CYP4F12: variants seen among roughly 807,000 people sequenced by gnomAD.
CYP4F12 encodes the protein cytochrome P450 family 4 subfamily F member 12, also known as cytochrome P450 4F12.
Under a neutral mutation model 56.5 loss-of-function variants are expected in CYP4F12, and 60 were observed. The ratio of observed to expected loss-of-function variants is 1.06; its 90% CI spans 0.86 to 1.32. The LOEUF (loss-of-function observed/expected upper bound fraction) is 1.32, where lower values mean the gene tolerates loss of function less well. Ranked by LOEUF, CYP4F12 falls within the 40% of genes most tolerant of loss-of-function variation. The pLI is 0.00. For synonymous variants in CYP4F12, 263 were observed against 264.9 expected (o/e 0.99, Z 0.07); for missense variants, 711 against 683.5 (o/e 1.04, Z -0.45).
intron 12 of CYP4F12, 77 bp from the exon 13 acceptor site, chr19:15,696,831 C>A: frequency 8.6e-6 from 13 of 1,505,484 alleles, no homozygotes; most frequent in Non-Finnish European, 1.2e-5. Context: ...AGTTGGGGGT[C>A]CCAGGCCAGG....
chr19:15,684,853 G>A lies in CYP4F12; in HGVS notation c.956G>A (p.Arg319Lys). ...AAGGCATTGTCAGATGAGGATATAAGAGCAGAGGCTGACACCTTCATGTTT... is the reference window on the plus strand; with the variant it reads ...AAGGCATTGTCAGATGAGGATATAAAAGCAGAGGCTGACACCTTCATGTTT... ...DGKALSDEDI[R>K]AEADTFMFGG... Residue 319 changes from arginine (R) to lysine (K), a missense_variant, in exon 8 of 13, where the codon AGA becomes AAA. Arg to Lys is a conservative substitution (Grantham distance 26, BLOSUM62 2). Transcript: ENST00000550308. 6.2e-7 allele frequency: 1 copy of A among 1,608,968 alleles called. No homozygotes were observed. Among genetic ancestry groups the A allele is most frequent in the Non-Finnish European group, 8.5e-7 (1 of 1,177,652 alleles).
Position 15,673,717 on chromosome 19 carries a change from A to C in CYP4F12, c.188A>C (p.His63Pro). 6.2e-7 allele frequency: 1 copy of C among 1,614,010 alleles called. No homozygotes were observed. The highest frequency in any genetic ancestry group is 1.1e-5 in the South Asian group (1 of 91,068). The change falls in exon 2 of 13, where the codon CAC becomes CCC. Residue 63 changes from histidine (H) to proline (P), a missense_variant. Transcript: ENST00000550308. ...CCAAAACGGAACTGGTTTTGGGGTC[A>C]CCTGGGCCTGGTGAGTGTGACAGCA... Reference protein sequence around the residue: ...QPPKRNWFWGHLGLITPTEEG... With the variant: ...QPPKRNWFWGPLGLITPTEEG...
intron 9 of CYP4F12, among the ~76,000 whole-genome samples, chr19:15,694,004 T>G: frequency 6.6e-6 from 1 of 151,504 alleles, no homozygotes; most frequent in Non-Finnish European, 1.5e-5. Flanking sequence ...GTTGTAGACA[T>G]GTGGCATTAA....
In CYP4F12 at chr19:15,682,432, A is replaced by G; in HGVS notation, c.569A>G (p.Asp190Gly). 6.2e-7 allele frequency: 1 copy of G among 1,613,854 alleles called. No individual in the cohort carries two copies. Among genetic ancestry groups the G allele is most frequent in the East Asian group, 2.2e-5 (1 of 44,868 alleles). ...HLASEGSSRL[D>G]MFEHISLMTL... Reference sequence around the variant, plus strand: ...GCCTCAGAGGGCAGCAGTCGTCTGGACATGTTTGAGCACATCAGCCTCATG... The same window carrying G: ...GCCTCAGAGGGCAGCAGTCGTCTGGGCATGTTTGAGCACATCAGCCTCATG... Residue 190 changes from aspartate to glycine, a missense_variant, in exon 6 of 13, where the codon GAC becomes GGC. Asp to Gly is a moderately conservative substitution (Grantham distance 94, BLOSUM62 -1). Transcript: ENST00000550308.
At chr19:15,692,260 C>CT (rs1179812712) in intron 9 of CYP4F12, among the ~76,000 whole-genome samples, 1 of 152,038 alleles carries the variant, frequency 6.6e-6, no homozygotes. Context: ...GGCAGAGTGG[C>CT]TTTTTTTGTT....
In CYP4F12 at chr19:15,697,043, G is replaced by C. The variant is rs778712967; in HGVS notation, c.1533G>C (p.Gly511=). Residue 511 remains glycine (G), a synonymous_variant, in exon 13 of 13, where the codon GGG becomes GGC. Transcript: ENST00000550308. ...AATTGATCATGCGCGCCGAGGGCGG[G>C]CTTTGGCTGCGGGTGGAGCCCCTGA... ...KLELIMRAEG[G]LWLRVEPLNV... is the part of the protein sequence containing the mutation. 5 of 1,613,988 alleles carry C rather than the reference G, an allele frequency of 3.1e-6. No individual in the cohort carries two copies. The highest frequency in any genetic ancestry group is 2.2e-5 in the East Asian group (1 of 44,896).
At chr19:15,693,227 T>C (rs7252548) in intron 9 of CYP4F12, among the ~76,000 whole-genome samples, 1 of 151,948 alleles carries the variant, frequency 6.6e-6, no homozygotes. Flanking sequence ...CATTGGGCCA[T>C]AGGAGTGAAT....
intron 3 of CYP4F12, among the ~76,000 whole-genome samples, chr19:15,679,759 C>T (rs1256833386): frequency 1.3e-5 from 2 of 152,224 alleles, no homozygotes; most frequent in East Asian, 3.9e-4. Context: ...GGAATCCATT[C>T]TAATCACGCT....
chr19:15,680,541 T>A, intron 5 of CYP4F12, 22 bp downstream of exon 5: 2 of 1,614,028 alleles, frequency 1.2e-6, no homozygotes, highest in East Asian at 4.5e-5. Context: ...GAAGTCTGGG[T>A]CCCAGATGGA....
intron 6 of CYP4F12, among the ~76,000 whole-genome samples, chr19:15,682,894 C>A (rs777099014): frequency 6.6e-5 from 10 of 152,172 alleles, no homozygotes; most frequent in African/African-American, 2.2e-4. Flanking sequence ...CCCACCACCA[C>A]GCCCAGCTAA....
chr19:15,692,681 G>A (rs1427565049), intron 9 of CYP4F12, among the ~76,000 whole-genome samples: 1 of 152,122 alleles, frequency 6.6e-6, no homozygotes. Context: ...AGCTCTAGAA[G>A]GAACCATGAG....
chr19:15,682,957 A>G (rs113247569), intron 6 of CYP4F12, among the ~76,000 whole-genome samples: 3,707 of 152,070 alleles, frequency 0.024, 37 homozygotes, highest in African/African-American at 0.086. Context: ...GGCTGGTCTC[A>G]AATTCCTGAC....
chr19:15,681,337 G>T (rs2007287872), intron 5 of CYP4F12: 1 of 152,274 alleles, frequency 6.6e-6, no homozygotes, highest in Non-Finnish European at 1.5e-5. Context: ...GAGAAGTGAA[G>T]AATTGGGGGT....
Position 15,673,622 on chromosome 19 carries a change from C to G in CYP4F12, c.93C>G (p.Leu31=). ...TGCTGGTTGTGGGCTCCTGGCTACT[C>G]GCCCGCATCCTGGCTTGGACCTATG... The part of the protein sequence containing the change: ...LLLLVVGSWL[L]ARILAWTYAF... Residue 31 remains leucine (L), a synonymous_variant, in exon 2 of 13, where the codon CTC becomes CTG. Transcript: ENST00000550308. The G allele has an allele frequency of 1.2e-6, 2 of 1,614,194 alleles. No individual in the cohort carries two copies. The highest frequency in any genetic ancestry group is 1.7e-6 in the Non-Finnish European group (2 of 1,180,042).
intron 9 of CYP4F12, among the ~76,000 whole-genome samples, chr19:15,694,504 G>C (rs2008030606): frequency 6.6e-6 from 1 of 152,074 alleles, no homozygotes; most frequent in Non-Finnish European, 1.5e-5. Context: ...TGTTATTGGT[G>C]TATAAGAATG....
intron 7 of CYP4F12, chr19:15,684,572 C>T: frequency 2.3e-6 from 1 of 441,506 alleles, no homozygotes; most frequent in East Asian, 3.5e-5. Context: ...ATTCGAGAAC[C>T]ATTGATTCCT....
At chr19:15,694,529 C>T (rs1469921500) in intron 9 of CYP4F12, among the ~76,000 whole-genome samples, 1 of 152,000 alleles carries the variant, frequency 6.6e-6, no homozygotes, top group Non-Finnish European at 1.5e-5. Context: ...TGATTTTTGT[C>T]CATTGATTTT....
At chr19:15,679,364 T>C (rs1472332748) in intron 3 of CYP4F12, among the ~76,000 whole-genome samples, 1 of 152,236 alleles carries the variant, frequency 6.6e-6, no homozygotes, top group Non-Finnish European at 1.5e-5. Context: ...TTTCACCATT[T>C]CTCTGCATCA....
At chr19:15,686,455 G>A (rs77956385) in intron 9 of CYP4F12, among the ~76,000 whole-genome samples, 3,761 of 151,818 alleles carry the variant, frequency 0.025, 36 homozygotes, top group African/African-American at 0.087. Flanking sequence ...TGTGTGTCAG[G>A]GAAGGAGATG....
Sources: allele counts gnomAD v4.1 joint callset (sites outside exome capture counted in the v4.1 genomes callset), GRCh38; gene constraint gnomAD v4.1.1; transcripts MANE v1.5; gene names NCBI Gene and HGNC (gene_info 2026-07-23, HGNC 2026-07-21).